MAJIN: variants seen among roughly 807,000 people sequenced by gnomAD.
MAJIN encodes the protein membrane-anchored junction protein.
A neutral mutation model predicts 30.2 loss-of-function variants in MAJIN; 27 were observed. The observed-to-expected ratio is 0.89, with a 90% confidence interval of 0.66 to 1.23. The LOEUF (loss-of-function observed/expected upper bound fraction) is 1.23. Ranked by LOEUF, MAJIN falls within the 50% of genes most tolerant of loss-of-function variation. The pLI, the probability that MAJIN is intolerant of heterozygous loss-of-function variation, is 0.00. For synonymous variants in MAJIN, 78 were observed against 91.6 expected (o/e 0.85, Z 0.85); for missense variants, 253 against 260.3 (o/e 0.97, Z 0.19).
At chr11:64,965,503 T>C (rs1451216170) in intron 1 of MAJIN, among the ~76,000 whole-genome samples, 1 of 152,176 alleles carries the variant, frequency 6.6e-6, no homozygotes, top group East Asian at 1.9e-4. Context: ...AAAATGCATC[T>C]TCCCCTTTCA....
intron 3 of MAJIN, 77 bp downstream of exon 3, chr11:64,959,228 A>G (rs2136792707): frequency 8.6e-7 from 1 of 1,160,024 alleles, no homozygotes; most frequent in African/African-American, 1.5e-5. Context: ...GGGTGAAGGT[A>G]AAGAAGAGGT....
At chr11:64,966,858 C>T (rs1285213695) in intron 1 of MAJIN, among the ~76,000 whole-genome samples, 6 of 148,222 alleles carry the variant, frequency 4.0e-5, no homozygotes, top group Admixed American at 1.4e-4. Context: ...CACTTGAACC[C>T]GGGAGATGGA....
chr11:64,964,418 C>T (rs1241155883), intron 1 of MAJIN, among the ~76,000 whole-genome samples: 1 of 152,126 alleles, frequency 6.6e-6, no homozygotes, highest in Non-Finnish European at 1.5e-5. Context: ...ATGACTTCCA[C>T]AAAGTTACAT....
At chr11:64,968,014 C>T (rs1202326304) in intron 1 of MAJIN, among the ~76,000 whole-genome samples, 4 of 151,858 alleles carry the variant, frequency 2.6e-5, no homozygotes, top group Non-Finnish European at 5.9e-5. Context: ...AAAGGAGCAA[C>T]GATCACGGGG....
intron 1 of MAJIN, among the ~76,000 whole-genome samples, chr11:64,969,107 G>C (rs1453156642): frequency 1.3e-5 from 2 of 152,170 alleles, no homozygotes; most frequent in Non-Finnish European, 2.9e-5. Flanking sequence ...TTGCAATTAG[G>C]TAGACAATGG....
At position 64,938,484 on chromosome 11, in the gene MAJIN, T is replaced by C. The variant is rs746830634; in HGVS notation, c.*91A>G. The C allele has an allele frequency of 8.2e-5, 125 of 1,521,740 alleles. 1 individual carries two copies. The highest frequency in any genetic ancestry group is 1.0e-4 in the Non-Finnish European group (115 of 1,134,024). The allele number at this position is 1,521,740 out of a possible 1,614,324, so 94.3% of individuals were successfully genotyped here. A position where few individuals can be genotyped will look rare whatever the true frequency, so the allele number is the denominator to read the frequency against. ...GGAAGAATGGCTCGGGAGGAGTCAC[T>C]ACAAGAGATGATCCTCTTTCCAGCG... On this transcript the variant is annotated 3_prime_UTR_variant, in exon 11 of 11. Coordinates refer to ENST00000301896, the MANE Select transcript of MAJIN (RefSeq NM_001037225.3).
Position 64,949,943 on chromosome 11 carries a change from C to T in MAJIN, c.224-75G>A. On this transcript the variant is annotated intron_variant, in intron 5 of 10. Coordinates refer to ENST00000301896, the MANE Select transcript of MAJIN (RefSeq NM_001037225.3). ...AGTACTATTTTAGGGATGAGACTCT[C>T]TCTCCTTCCCCTGACCTACCCTCCA... 2.6e-6 allele frequency: 4 copies of T among 1,542,248 alleles called. No individual in the cohort carries two copies. The South Asian group carries it at 4.7e-5, about 18-fold the overall frequency.
Position 64,945,358 on chromosome 11 carries a change from A to AAAAC in MAJIN, c.473+2012_473+2015dup, listed in dbSNP as rs553488909. Among the ~76,000 whole-genome samples the AAAAC allele has an allele frequency of 1.5e-3, 222 of 151,996 alleles. 1 individual carries two copies. Among genetic ancestry groups the AAAAC allele is most frequent in the African/African-American group, 4.6e-3 (189 of 41,458 alleles). ...GGGCGACAGAGCGAGACTGTGTCTC[A>AAAAC]AAACAAACAAACAAACAAAAAAACA... On this transcript the variant is annotated intron_variant, in intron 8 of 10. Coordinates refer to ENST00000301896, the MANE Select transcript of MAJIN (RefSeq NM_001037225.3).
In MAJIN at chr11:64,950,425, AGAATCCT is replaced by A. The variant is rs1565129867; in HGVS notation, c.148-2_152del. The A allele has an allele frequency of 1.2e-6, 2 of 1,613,222 alleles. No homozygotes were observed. The highest frequency in any genetic ancestry group is 1.7e-6 in the Non-Finnish European group (2 of 1,179,338). On this transcript the variant is annotated splice_acceptor_variant and coding_sequence_variant, in exon 5 of 11. Coordinates refer to ENST00000301896, the MANE Select transcript of MAJIN (RefSeq NM_001037225.3). LOFTEE classifies it high-confidence loss of function. ...CCAAGTTTCCCAAGACCACGCGGAC[AGAATCCT>A]GAAAAACATATTTGAAATGACTTTA...
chr11:64,965,106 A>T (rs1258153494), intron 1 of MAJIN, among the ~76,000 whole-genome samples: 1 of 152,234 alleles, frequency 6.6e-6, no homozygotes, highest in Non-Finnish European at 1.5e-5. Flanking sequence ...AATATGGAAC[A>T]GGAAGAGACT....
chr11:64,959,311 C>T lies in MAJIN; in HGVS notation c.95G>A (p.Ser32Asn). The T allele has an allele frequency of 6.2e-7, 1 of 1,611,670 alleles. No individual in the cohort carries two copies. The highest frequency in any genetic ancestry group is 1.7e-5 in the Admixed American group (1 of 59,966). The change falls in exon 3 of 11, where the codon AGT becomes AAT. Residue 32 changes from serine (S) to asparagine (N), a missense_variant. Physicochemically the swap from Ser to Asn is conservative, Grantham distance 46. Coordinates refer to ENST00000301896, the MANE Select transcript of MAJIN (RefSeq NM_001037225.3). The stretch of plus-strand genomic sequence containing the variant: ...CTCCTACCTTTGAAATTACCTGATA[C>T]TCTTCCCATATCTGATTTTGAATTT... ...VYKFKIRYGK[S>N]IRGEEIENKE...
At chr11:64,947,523 G>A in intron 7 of MAJIN, 58 bp from the exon 8 acceptor site, 1 of 1,528,816 alleles carries the variant, frequency 6.5e-7, no homozygotes, top group East Asian at 2.3e-5. Flanking sequence ...CACAGTTCAT[G>A]AAGGCACAGT....
chr11:64,953,569 G>A (rs1332736481), intron 4 of MAJIN, among the ~76,000 whole-genome samples: 1 of 152,156 alleles, frequency 6.6e-6, no homozygotes, highest in African/African-American at 2.4e-5. Context: ...GAGGCTGGTG[G>A]ATCACGAGGT....
intron 1 of MAJIN, among the ~76,000 whole-genome samples, chr11:64,962,363 C>T (rs1945741035): frequency 6.6e-6 from 1 of 152,208 alleles, no homozygotes; most frequent in South Asian, 2.1e-4. Context: ...GTATCCCAAA[C>T]AACCACATAG....
At chr11:64,969,456 A>T (rs965662411) in intron 1 of MAJIN, among the ~76,000 whole-genome samples, 5 of 144,664 alleles carry the variant, frequency 3.5e-5, no homozygotes, top group Non-Finnish European at 7.6e-5. Context: ...AGGGTATAAT[A>T]AAAAAAAAAA....
chr11:64,949,985 G>T, intron 5 of MAJIN, 117 bp from the exon 6 acceptor site: 1 of 1,359,278 alleles, frequency 7.4e-7, no homozygotes, highest in Non-Finnish European at 1.0e-6. Context: ...CTATGGTTTT[G>T]CTACGTCCAT....
chr11:64,950,370 A>C lies in MAJIN; in HGVS notation c.208T>G (p.Phe70Val). Residue 70 changes from phenylalanine (F) to valine (V), a missense_variant, in exon 5 of 11, where the codon TTC becomes GTC. Physicochemically the swap from Phe to Val is conservative, Grantham distance 50. Coordinates refer to ENST00000301896, the MANE Select transcript of MAJIN (RefSeq NM_001037225.3). Reference sequence around the variant, plus strand: ...AAAAGGATACAGGGAAATACAATGAAGTGTTCTGTAGCAAAGGGCTGAAGA... The same window carrying C: ...AAAAGGATACAGGGAAATACAATGACGTGTTCTGTAGCAAAGGGCTGAAGA... ...DNLQPFATEH[F>V]IVFPYKSKWE... 1.2e-6 allele frequency: 2 copies of C among 1,607,860 alleles called. No individual in the cohort carries two copies. Among genetic ancestry groups the C allele is most frequent in the Non-Finnish European group, 1.7e-6 (2 of 1,175,806 alleles).
chr11:64,959,793 A>C (rs1034845930), intron 2 of MAJIN, among the ~76,000 whole-genome samples: 2 of 152,136 alleles, frequency 1.3e-5, no homozygotes, highest in African/African-American at 2.4e-5. Flanking sequence ...TACCATCCCC[A>C]CTTCCACTGG....
At position 64,946,183 on chromosome 11, in the gene MAJIN, G is replaced by A. The variant is rs569126451; in HGVS notation, c.473+1191C>T. ...GGTGGGGGGAAAATATGCAGGAAAT[G>A]TTACTGGCAGAGGCAATATCACTAC... is the stretch of plus-strand genomic sequence containing the variant. On this transcript the variant is annotated intron_variant, in intron 8 of 10. Transcript: ENST00000301896. 4 of 1,523,684 alleles carry A rather than the reference G, an allele frequency of 2.6e-6. No individual in the cohort carries two copies. In the East Asian group the frequency reaches 9.8e-5, roughly 37 times the overall value. 94.4% of individuals were successfully genotyped at this position (1,523,684 alleles called of 1,614,324 possible).
Sources: allele counts gnomAD v4.1 joint callset (sites outside exome capture counted in the v4.1 genomes callset), GRCh38; gene constraint gnomAD v4.1.1; transcripts MANE v1.5; gene names NCBI Gene and HGNC (gene_info 2026-07-23, HGNC 2026-07-21).